Variants in SCN2A observed in about 807,000 individuals in gnomAD.
The protein encoded by SCN2A is sodium voltage-gated channel alpha subunit 2, also known as sodium channel protein type 2 subunit alpha.
A neutral mutation model predicts 188.7 loss-of-function variants in SCN2A; 20 were observed. The ratio of observed to expected loss-of-function variants is 0.11; its 90% confidence interval spans 0.07 to 0.15. SCN2A has a LOEUF of 0.15. SCN2A is among the 10% of genes least tolerant of loss of function. The pLI, the probability that SCN2A is intolerant of heterozygous loss-of-function variation, is 1.00. For synonymous variants in SCN2A, 804 were observed against 833.1 expected (o/e 0.97, Z 0.60); for missense variants, 1,278 against 2,445.0 (o/e 0.52, Z 10.07).
intron 1 of SCN2A, among the ~76,000 whole-genome samples, chr2:165,294,618 G>A (rs1460376284): frequency 6.6e-6 from 1 of 152,070 alleles, no homozygotes; most frequent in East Asian, 1.9e-4. Flanking sequence ...TATAGTATGG[G>A]GGTGAAATAG....
chr2:165,277,121 G>A (rs990265004), intron 1 of SCN2A, among the ~76,000 whole-genome samples: 2 of 152,072 alleles, frequency 1.3e-5, no homozygotes, highest in African/African-American at 4.8e-5. Flanking sequence ...ATAATGTAAT[G>A]CCTGGTGTTT....
intron 1 of SCN2A, among the ~76,000 whole-genome samples, chr2:165,287,776 G>T (rs1056902984): frequency 6.6e-6 from 1 of 152,126 alleles, no homozygotes; most frequent in African/African-American, 2.4e-5. Context: ...GCAGCAGGCA[G>T]GTGGGCACAC....
chr2:165,345,120 TC>T (rs750573873), intron 16 of SCN2A, among the ~76,000 whole-genome samples: 1 of 152,220 alleles, frequency 6.6e-6, no homozygotes, highest in African/African-American at 2.4e-5. Flanking sequence ...ATTCTTTCTT[TC>T]ATTATCCTTC....
intron 1 of SCN2A, chr2:165,268,390 C>T (rs374124954): frequency 1.6e-4 from 25 of 151,924 alleles, no homozygotes; most frequent in Middle Eastern, 3.4e-3. Context: ...ACATATGTAA[C>T]TCAATAAATG....
chr2:165,282,039 C>T (rs9287856), intron 1 of SCN2A, among the ~76,000 whole-genome samples: 22,526 of 152,204 alleles, frequency 0.15, 1,868 homozygotes, highest in Middle Eastern at 0.21. Context: ...TATTGCCACC[C>T]TCCAACAGGG....
chr2:165,354,163 G>T, intron 16 of SCN2A, 29 bp from the exon 17 acceptor site: 1 of 1,612,518 alleles, frequency 6.2e-7, no homozygotes, highest in South Asian at 1.1e-5. Context: ...AGAATGTTTT[G>T]ATCACCTGTT....
chr2:165,381,520 A>G (rs1021019021), intron 25 of SCN2A, among the ~76,000 whole-genome samples: 2 of 151,982 alleles, frequency 1.3e-5, no homozygotes, highest in African/African-American at 4.8e-5. Flanking sequence ...ACATACATAC[A>G]TAATGTGAAA....
In SCN2A at chr2:165,275,705, G is replaced by A. The variant is rs75741163; in HGVS notation, c.-51-20068G>A. On this transcript the variant is annotated intron_variant, in intron 1 of 26. Coordinates refer to ENST00000375437, the MANE Select transcript of SCN2A (RefSeq NM_001040142.2). ...AGAGAAAAGAGCATTAGTAGTATCT[G>A]TTATGTATACTGGATGTTTTACTTG... 7.4e-4 allele frequency among the ~76,000 whole-genome samples: 112 copies of A among 152,160 alleles called. 2 individuals are homozygous for A. In the East Asian group the frequency reaches 0.02, roughly 28 times the overall value.
chr2:165,389,984 G>T lies in SCN2A; in HGVS notation c.*160G>T. 8.2e-7 allele frequency: 1 copy of T among 1,216,434 alleles called. No individual in the cohort carries two copies. Among genetic ancestry groups the T allele is most frequent in the Non-Finnish European group, 1.1e-6 (1 of 899,126 alleles). 75.4% of individuals were successfully genotyped at this position (1,216,434 alleles called of 1,614,324 possible). ...GCCTATAACAAGACAGAGACCTCTG[G>T]TCAGCAAACTGGAACTCAGTAAACT... On this transcript the variant is annotated 3_prime_UTR_variant, in exon 27 of 27. Transcript: ENST00000375437. This position sits in a 1 kb window ranked among gnomAD's most constrained non-coding sequence, Gnocchi z 4.2.
chr2:165,242,110 A>G (rs776399000), intron 1 of SCN2A, among the ~76,000 whole-genome samples: 2 of 152,180 alleles, frequency 1.3e-5, no homozygotes, highest in African/African-American at 2.4e-5. Context: ...TGCATTTGAC[A>G]TACTGACACA....
chr2:165,291,575 T>TCCTTTCTCTCTC (rs1460696524), intron 1 of SCN2A, among the ~76,000 whole-genome samples: 3 of 70,582 alleles, frequency 4.3e-5, no homozygotes, highest in African/African-American at 1.4e-4. Context: ...CTTCCTTCCT[T>TCCTTTCTCTCTC]TCTCTCTCTC....
intron 26 of SCN2A, among the ~76,000 whole-genome samples, 187 bp downstream of exon 26, chr2:165,387,203 G>A (rs1284882335): frequency 6.6e-6 from 1 of 152,024 alleles, no homozygotes; most frequent in Non-Finnish European, 1.5e-5. Context: ...AATGATGAGT[G>A]GAATACAAGG....
intron 12 of SCN2A, among the ~76,000 whole-genome samples, chr2:165,323,995 C>A (rs1192111435): frequency 6.6e-6 from 1 of 152,136 alleles, no homozygotes; most frequent in Admixed American, 6.5e-5. Flanking sequence ...TTTTTAGCAT[C>A]CACTCTAATG....
At chr2:165,297,621 C>T (rs1454266270) in intron 3 of SCN2A, among the ~76,000 whole-genome samples, 1 of 152,142 alleles carries the variant, frequency 6.6e-6, no homozygotes, top group African/African-American at 2.4e-5. Flanking sequence ...AGTTAGTAAG[C>T]GTTTACAATT....
At chr2:165,334,878 C>A (rs1381234531) in intron 14 of SCN2A, among the ~76,000 whole-genome samples, 1 of 151,604 alleles carries the variant, frequency 6.6e-6, no homozygotes, top group African/African-American at 2.4e-5. Flanking sequence ...AATACACACA[C>A]ACACACACAC....
chr2:165,288,042 G>T (rs980387776), intron 1 of SCN2A, among the ~76,000 whole-genome samples: 1 of 152,092 alleles, frequency 6.6e-6, no homozygotes, highest in Non-Finnish European at 1.5e-5. Context: ...TCCCTCATTT[G>T]ATTTGTGCAC....
chr2:165,252,365 GCTGT>G, intron 1 of SCN2A, among the ~76,000 whole-genome samples: 1 of 152,092 alleles, frequency 6.6e-6, no homozygotes, highest in Admixed American at 6.6e-5. Flanking sequence ...AAATCTATCT[GCTGT>G]CTATCCTCAT....
intron 10 of SCN2A, among the ~76,000 whole-genome samples, chr2:165,314,526 C>A (rs1004864424): frequency 6.6e-6 from 1 of 152,158 alleles, no homozygotes; most frequent in African/African-American, 2.4e-5. Flanking sequence ...AAACCAGAAT[C>A]AAACTAAGAA....
intron 1 of SCN2A, among the ~76,000 whole-genome samples, chr2:165,284,318 C>T (rs1181170402): frequency 6.6e-6 from 1 of 151,952 alleles, no homozygotes; most frequent in Non-Finnish European, 1.5e-5. Flanking sequence ...CTACAGGTGC[C>T]CGCCACCACA....
Sources: allele counts gnomAD v4.1 joint callset (sites outside exome capture counted in the v4.1 genomes callset), GRCh38; gene constraint gnomAD v4.1.1; non-coding constraint Gnocchi (gnomAD v3.1); transcripts MANE v1.5; gene names NCBI Gene and HGNC (gene_info 2026-07-23, HGNC 2026-07-21).